Variants in BRINP3 observed in about 807,000 individuals in gnomAD.
BRINP3 encodes the protein BMP/retinoic acid inducible neural specific 3.
A neutral mutation model predicts 71.0 loss-of-function variants in BRINP3; 19 were observed. The observed-to-expected ratio is 0.27, with a 90% confidence interval of 0.19 to 0.39. BRINP3 has a LOEUF of 0.39. Ranked by LOEUF, BRINP3 falls within the 10% of genes least tolerant of loss-of-function variation. The pLI is 1.00. For synonymous variants in BRINP3, 380 were observed against 337.7 expected (o/e 1.13, Z -1.37); for missense variants, 959 against 940.8 (o/e 1.02, Z -0.25).
At chr1:190,297,796 G>A (rs188537304) in intron 2 of BRINP3, among the ~76,000 whole-genome samples, 11 of 151,276 alleles carry the variant, frequency 7.3e-5, no homozygotes, top group African/African-American at 2.7e-4. Flanking sequence ...GTGTGTGTGT[G>A]TGTGTGTGCG....
At chr1:190,185,870 T>G (rs539780401) in intron 6 of BRINP3, among the ~76,000 whole-genome samples, 5 of 152,096 alleles carry the variant, frequency 3.3e-5, no homozygotes, top group African/African-American at 1.2e-4. Context: ...TTTCTTTGTG[T>G]TGGGAATATT....
intron 3 of BRINP3, among the ~76,000 whole-genome samples, chr1:190,270,891 C>T (rs1427507508): frequency 6.6e-6 from 1 of 151,566 alleles, no homozygotes; most frequent in Non-Finnish European, 1.5e-5. Context: ...ATGTTTTATA[C>T]ACATTCTTGT....
At chr1:190,349,502 C>A (rs1668235094) in intron 2 of BRINP3, among the ~76,000 whole-genome samples, 1 of 152,032 alleles carries the variant, frequency 6.6e-6, no homozygotes, top group African/African-American at 2.4e-5. Flanking sequence ...CCTGGGTTGA[C>A]AATGTGCTTT....
rs188057949 is a variant in BRINP3, at chr1:190,408,296, G to C, written c.236+46359C>G. 5.6e-3 allele frequency among the ~76,000 whole-genome samples: 842 copies of C among 151,536 alleles called. 5 individuals are homozygous for C. Among genetic ancestry groups the C allele is most frequent in the African/African-American group, 0.018 (756 of 41,252 alleles). On this transcript the variant is annotated intron_variant, in intron 2 of 7. Coordinates refer to ENST00000367462, the MANE Select transcript of BRINP3 (RefSeq NM_199051.3). ...CCTGACCTTGAGATCCGCCCACCTC[G>C]GCCTCTCAAAGTGCTGGGATTACAG...
At chr1:190,296,046 T>C (rs570347630) in intron 2 of BRINP3, among the ~76,000 whole-genome samples, 1 of 149,256 alleles carries the variant, frequency 6.7e-6, no homozygotes, top group South Asian at 2.2e-4. Flanking sequence ...TTTTTGTTTG[T>C]TTGTTTGTTT....
At chr1:190,130,322 T>G (rs1654436022) in intron 7 of BRINP3, among the ~76,000 whole-genome samples, 1 of 152,116 alleles carries the variant, frequency 6.6e-6, no homozygotes, top group South Asian at 2.1e-4. Context: ...TTTTGTTTGC[T>G]GCTTTGTTTT....
chr1:190,250,746 T>G (rs1660056640), intron 4 of BRINP3, among the ~76,000 whole-genome samples: 1 of 152,010 alleles, frequency 6.6e-6, no homozygotes, highest in Admixed American at 6.6e-5. Flanking sequence ...AATGTTCCCC[T>G]TGACATATGG....
intron 2 of BRINP3, among the ~76,000 whole-genome samples, chr1:190,305,110 T>A (rs990508721): frequency 6.6e-6 from 1 of 151,562 alleles, no homozygotes; most frequent in Non-Finnish European, 1.5e-5. Flanking sequence ...AATAAAAAAA[T>A]AAAAAGTGTA....
Position 190,365,150 on chromosome 1 carries a change from T to G in BRINP3, c.237-83400A>C, listed in dbSNP as rs112165298. On this transcript the variant is annotated intron_variant, in intron 2 of 7. Transcript: ENST00000367462. Reference sequence around the variant, plus strand: ...ATTATCATCTTTAGTAAATATAATTTATAAAAAGTTCTCAAACAAATCAGA... The same window carrying G: ...ATTATCATCTTTAGTAAATATAATTGATAAAAAGTTCTCAAACAAATCAGA... Among the ~76,000 whole-genome samples the G allele has an allele frequency of 5.2e-3, 786 of 152,178 alleles. 7 individuals are homozygous for G. The highest frequency in any genetic ancestry group is 0.018 in the African/African-American group (739 of 41,536).
intron 2 of BRINP3, among the ~76,000 whole-genome samples, chr1:190,391,263 T>C (rs1319985063): frequency 6.6e-6 from 1 of 151,770 alleles, no homozygotes; most frequent in African/African-American, 2.4e-5. Flanking sequence ...TCTGAATGTG[T>C]GGAAATCAGA....
chr1:190,123,159 C>A (rs752014755), intron 7 of BRINP3, among the ~76,000 whole-genome samples: 4 of 152,124 alleles, frequency 2.6e-5, no homozygotes, highest in Non-Finnish European at 5.9e-5. Flanking sequence ...GGCTTACTTA[C>A]TGCTTATGAT....
chr1:190,351,637 G>T (rs375294795), intron 2 of BRINP3, among the ~76,000 whole-genome samples: 1 of 152,008 alleles, frequency 6.6e-6, no homozygotes, highest in Non-Finnish European at 1.5e-5. Flanking sequence ...TTTTCACCCT[G>T]TTTAGCATCT....
chr1:190,207,904 TGTATA>T (rs1038982647), intron 6 of BRINP3, among the ~76,000 whole-genome samples: 2 of 152,072 alleles, frequency 1.3e-5, no homozygotes, highest in African/African-American at 4.8e-5. Flanking sequence ...GAAGGCATCT[TGTATA>T]GAGTTGAACT....
intron 2 of BRINP3, among the ~76,000 whole-genome samples, chr1:190,427,064 T>C (rs913985345): frequency 2.0e-5 from 3 of 151,918 alleles, no homozygotes; most frequent in Non-Finnish European, 4.4e-5. Flanking sequence ...AGTGTTAAAG[T>C]GTTATACCTT....
At chr1:190,457,976 G>A (rs1398127670) in intron 1 of BRINP3, among the ~76,000 whole-genome samples, 1 of 150,968 alleles carries the variant, frequency 6.6e-6, no homozygotes, top group Non-Finnish European at 1.5e-5. Flanking sequence ...ATGTAATATG[G>A]TTACAGTAGT....
At chr1:190,149,095 ATTAAG>A (rs1215646730) in intron 7 of BRINP3, among the ~76,000 whole-genome samples, 1 of 152,240 alleles carries the variant, frequency 6.6e-6, no homozygotes, top group Non-Finnish European at 1.5e-5. Flanking sequence ...ATAACATTGT[ATTAAG>A]TTAAAAATGA....
At chr1:190,374,279 A>C (rs771749797) in intron 2 of BRINP3, among the ~76,000 whole-genome samples, 11 of 152,096 alleles carry the variant, frequency 7.2e-5, no homozygotes, top group Non-Finnish European at 1.5e-4. Context: ...TGTGAAAAGA[A>C]ATCTATCTGT....
chr1:190,243,354 A>G (rs990651555), intron 4 of BRINP3, among the ~76,000 whole-genome samples: 1 of 152,204 alleles, frequency 6.6e-6, no homozygotes, highest in South Asian at 2.1e-4. Context: ...TTTTTAGATA[A>G]CACAGAGCTT....
At chr1:190,191,278 AT>A (rs965738679) in intron 6 of BRINP3, among the ~76,000 whole-genome samples, 13 of 151,982 alleles carry the variant, frequency 8.6e-5, no homozygotes, top group African/African-American at 2.7e-4. Flanking sequence ...TAATACAGGC[AT>A]TTTTTTTATT....
Sources: allele counts gnomAD v4.1 joint callset (sites outside exome capture counted in the v4.1 genomes callset), GRCh38; gene constraint gnomAD v4.1.1; transcripts MANE v1.5; gene names NCBI Gene and HGNC (gene_info 2026-07-23, HGNC 2026-07-21).